CDK8: variants seen among roughly 807,000 people sequenced by gnomAD.
CDK8 encodes cyclin-dependent kinase 8.
In CDK8, 29 loss-of-function variants were observed where a neutral mutation model predicts 71.5. The observed-to-expected ratio is 0.41, with a 90% CI of 0.30 to 0.55. The LOEUF is 0.55. CDK8 is among the 20% of genes least tolerant of loss of function. The pLI, the probability that CDK8 is intolerant of heterozygous loss-of-function variation, is 0.37. For synonymous variants in CDK8, 161 were observed against 192.1 expected (o/e 0.84, Z 1.34); for missense variants, 288 against 572.6 (o/e 0.50, Z 5.07).
intron 12 of CDK8, among the ~76,000 whole-genome samples, chr13:26,402,555 C>A (rs1876315175): frequency 2.0e-5 from 3 of 152,328 alleles, no homozygotes; most frequent in African/African-American, 7.2e-5. Context: ...TAGGTATTAA[C>A]TCTTTCTTTT....
chr13:26,365,374 T>C (rs1874337601), intron 4 of CDK8, among the ~76,000 whole-genome samples: 1 of 152,192 alleles, frequency 6.6e-6, no homozygotes, highest in Admixed American at 6.6e-5. Context: ...TTAATTATTA[T>C]ACTGAGCATG....
At chr13:26,376,217 C>A (rs2420347) in intron 4 of CDK8, among the ~76,000 whole-genome samples, 143,370 of 151,570 alleles carry the variant, frequency 0.95, 67,858 homozygotes, top group East Asian at 1. Flanking sequence ...TTTTTTAATA[C>A]ATCAAGTTAA....
intron 1 of CDK8, among the ~76,000 whole-genome samples, chr13:26,289,113 G>A (rs1873173465): frequency 6.7e-6 from 1 of 148,330 alleles, no homozygotes; most frequent in African/African-American, 2.5e-5. Flanking sequence ...GGAATGCAGT[G>A]GTGTGATCTC....
At chr13:26,258,218 A>T (rs755836573) in intron 1 of CDK8, among the ~76,000 whole-genome samples, 39 of 152,182 alleles carry the variant, frequency 2.6e-4, no homozygotes, top group Non-Finnish European at 4.6e-4. Flanking sequence ...GATTAGGCGC[A>T]GGTTTTTCAC....
intron 7 of CDK8, among the ~76,000 whole-genome samples, chr13:26,395,605 T>C (rs1191095697): frequency 6.6e-6 from 1 of 152,072 alleles, no homozygotes; most frequent in Non-Finnish European, 1.5e-5. Context: ...TTATGTAGCA[T>C]GTATTGTTTG....
chr13:26,333,197 T>C (rs2137966441), intron 1 of CDK8, among the ~76,000 whole-genome samples: 1 of 152,098 alleles, frequency 6.6e-6, no homozygotes, highest in East Asian at 1.9e-4. Flanking sequence ...TGGAGTGCAA[T>C]GGCGCAATCC....
chr13:26,310,858 A>G (rs774562743), intron 1 of CDK8, among the ~76,000 whole-genome samples: 2 of 152,040 alleles, frequency 1.3e-5, no homozygotes, highest in Non-Finnish European at 2.9e-5. Flanking sequence ...ACTTTGTTCA[A>G]ATCTCTCCAT....
intron 1 of CDK8, among the ~76,000 whole-genome samples, chr13:26,290,357 T>A (rs1027212841): frequency 6.6e-6 from 1 of 152,252 alleles, no homozygotes; most frequent in Non-Finnish European, 1.5e-5. Context: ...ATTTAAGTAC[T>A]CAAAGGTTTT....
At chr13:26,275,278 G>A (rs570085569) in intron 1 of CDK8, among the ~76,000 whole-genome samples, 1 of 152,262 alleles carries the variant, frequency 6.6e-6, no homozygotes, top group East Asian at 1.9e-4. Context: ...TTCCAGGTAA[G>A]CTCTAAAATC....
rs185088088 is a variant in CDK8 at position 26,307,023 on chromosome 13, T to A, written c.129-30544T>A. On this transcript the variant is annotated intron_variant, in intron 1 of 12. Coordinates refer to ENST00000381527, the MANE Select transcript of CDK8 (RefSeq NM_001260.3). Reference sequence around the variant, plus strand: ...GAGAGAAACTCATATTAAAAGCTTTTAAACATTTGGGGCATATACAAAGAC... The same window carrying A: ...GAGAGAAACTCATATTAAAAGCTTTAAAACATTTGGGGCATATACAAAGAC... Among the ~76,000 whole-genome samples the A allele has an allele frequency of 1.1e-4, 17 of 152,296 alleles. No homozygotes were observed. The East Asian group carries it at 3.3e-3, about 29-fold the overall frequency.
chr13:26,386,266 T>C (rs1373687409), intron 6 of CDK8, among the ~76,000 whole-genome samples: 3 of 152,252 alleles, frequency 2.0e-5, no homozygotes, highest in Non-Finnish European at 4.4e-5. Flanking sequence ...GTGCATTTAA[T>C]GCTCAGCTGC....
chr13:26,382,528 T>A (rs1875275657), intron 4 of CDK8, among the ~76,000 whole-genome samples: 1 of 152,204 alleles, frequency 6.6e-6, no homozygotes. Flanking sequence ...AACCACAACA[T>A]GACTTTGTGA....
rs749214436 is a variant in CDK8, at chr13:26,401,379, G to T, written c.1110+32G>T. The T allele has an allele frequency of 6.2e-7, 1 of 1,611,460 alleles. No individual in the cohort carries two copies. Among genetic ancestry groups the T allele is most frequent in the East Asian group, 2.2e-5 (1 of 44,872 alleles). On this transcript the variant is annotated intron_variant, in intron 11 of 12. Transcript: ENST00000381527. The surrounding 1 kb of genome is among the most constrained non-coding windows in gnomAD (Gnocchi z 4.5). ...ATTAAAGTACTGTTAGCAGCTTCTTGTTTCGTGAATGCCTCCATAACATTT... is the reference window on the plus strand; with the variant it reads ...ATTAAAGTACTGTTAGCAGCTTCTTTTTTCGTGAATGCCTCCATAACATTT...
chr13:26,309,534 T>A lies in CDK8; in HGVS notation c.129-28033T>A, dbSNP rs575792511. On this transcript the variant is annotated intron_variant, in intron 1 of 12. Transcript: ENST00000381527. ...GTGATTTTCATTTCATATGTATGGC[T>A]TTTTCTTCTCATTCTTCTATGAGAA... Among the ~76,000 whole-genome samples, 19 of 152,332 alleles carry A rather than the reference T, an allele frequency of 1.2e-4. 1 individual carries two copies. Among genetic ancestry groups the A allele is most frequent in the African/African-American group, 4.6e-4 (19 of 41,576 alleles).
At chr13:26,360,018 GC>G (rs1874065318) in intron 4 of CDK8, among the ~76,000 whole-genome samples, 1 of 152,068 alleles carries the variant, frequency 6.6e-6, no homozygotes, top group Non-Finnish European at 1.5e-5. Context: ...ACCTGGCCTG[GC>G]CTCTTTCAGT....
intron 1 of CDK8, among the ~76,000 whole-genome samples, chr13:26,282,486 G>A (rs1177092344): frequency 6.6e-6 from 1 of 152,136 alleles, no homozygotes; most frequent in Admixed American, 6.5e-5. Flanking sequence ...TAAATGGAAA[G>A]ATAAAGTCTT....
At chr13:26,274,085 C>T (rs1309600224) in intron 1 of CDK8, among the ~76,000 whole-genome samples, 2 of 152,088 alleles carry the variant, frequency 1.3e-5, no homozygotes, top group African/African-American at 4.8e-5. Context: ...TTTGTTGCTG[C>T]ATCTTTGTAG....
intron 4 of CDK8, among the ~76,000 whole-genome samples, chr13:26,358,399 C>T (rs1873990712): frequency 6.6e-6 from 1 of 152,116 alleles, no homozygotes; most frequent in Admixed American, 6.6e-5. Context: ...GTCTCTTCCC[C>T]CTCTCTCCCT....
intron 1 of CDK8, among the ~76,000 whole-genome samples, chr13:26,279,606 CTT>C (rs2137883241): frequency 6.6e-6 from 1 of 151,970 alleles, no homozygotes; most frequent in Admixed American, 6.5e-5. Context: ...TCATGAAAAG[CTT>C]TGTGGTAGTG....
Sources: allele counts gnomAD v4.1 joint callset (sites outside exome capture counted in the v4.1 genomes callset), GRCh38; gene constraint gnomAD v4.1.1; non-coding constraint Gnocchi (gnomAD v3.1); transcripts MANE v1.5; gene names NCBI Gene and HGNC (gene_info 2026-07-23, HGNC 2026-07-21).